TBPL1: variants seen among roughly 807,000 people sequenced by gnomAD.
TBPL1 encodes the protein TATA-box binding protein like 1.
Under a neutral mutation model 22.1 loss-of-function variants are expected in TBPL1, and 4 were observed. The observed-to-expected ratio is 0.18, with a 90% CI of 0.09 to 0.41. The LOEUF is 0.41. Ranked by LOEUF, TBPL1 falls within the 10% of genes least tolerant of loss-of-function variation. The pLI, the probability that TBPL1 is intolerant of heterozygous loss-of-function variation, is 1.00. For synonymous variants in TBPL1, 64 were observed against 71.0 expected (o/e 0.90, Z 0.50); for missense variants, 115 against 222.3 (o/e 0.52, Z 3.07).
At chr6:133,980,712 A>C (rs1277966315) in intron 2 of TBPL1, among the ~76,000 whole-genome samples, 2 of 151,570 alleles carry the variant, frequency 1.3e-5, no homozygotes, top group Non-Finnish European at 2.9e-5. Context: ...CTTAACCTGG[A>C]CATCTTAAAT....
chr6:133,978,591 A>G (rs1776355300), intron 1 of TBPL1, among the ~76,000 whole-genome samples: 1 of 152,216 alleles, frequency 6.6e-6, no homozygotes, highest in Non-Finnish European at 1.5e-5. Flanking sequence ...AGGTAGCTCA[A>G]ACATGCACAA....
At chr6:133,961,621 C>T (rs187054882) in intron 1 of TBPL1, among the ~76,000 whole-genome samples, 1 of 152,064 alleles carries the variant, frequency 6.6e-6, no homozygotes, top group Non-Finnish European at 1.5e-5. Context: ...GTGCACATCA[C>T]CATGCCCGAC....
At chr6:133,958,604 C>T (rs1775965812) in intron 1 of TBPL1, among the ~76,000 whole-genome samples, 1 of 152,162 alleles carries the variant, frequency 6.6e-6, no homozygotes, top group South Asian at 2.1e-4. Context: ...AAAGTTAAGT[C>T]CAAATGTTTT....
chr6:133,954,561 A>C (rs554032807), intron 1 of TBPL1, among the ~76,000 whole-genome samples: 1 of 152,370 alleles, frequency 6.6e-6, no homozygotes, highest in South Asian at 2.1e-4. Flanking sequence ...TAATGGTTTT[A>C]TACTTTACAA....
intron 1 of TBPL1, among the ~76,000 whole-genome samples, chr6:133,979,062 TAGG>T (rs1562665295): frequency 6.6e-6 from 1 of 152,216 alleles, no homozygotes; most frequent in African/African-American, 2.4e-5. Flanking sequence ...GTATAAATCA[TAGG>T]AGTCTCGGCA....
intron 1 of TBPL1, among the ~76,000 whole-genome samples, chr6:133,962,905 G>C (rs1054511614): frequency 6.6e-6 from 1 of 152,220 alleles, no homozygotes; most frequent in African/African-American, 2.4e-5. Flanking sequence ...TTAAGGAACA[G>C]ACAGAGAAGT....
At chr6:133,972,964 A>G (rs1776250362) in intron 1 of TBPL1, among the ~76,000 whole-genome samples, 1 of 152,204 alleles carries the variant, frequency 6.6e-6, no homozygotes, top group African/African-American at 2.4e-5. Flanking sequence ...CCAGTGTCAC[A>G]TAGCTAAATG....
intron 6 of TBPL1, among the ~76,000 whole-genome samples, chr6:133,986,382 T>C (rs1776523857): frequency 6.6e-6 from 1 of 152,236 alleles, no homozygotes; most frequent in Admixed American, 6.5e-5. Context: ...GCATAATGCA[T>C]GGTCACCTCG....
At chr6:133,963,616 C>T (rs1776060576) in intron 1 of TBPL1, among the ~76,000 whole-genome samples, 1 of 152,082 alleles carries the variant, frequency 6.6e-6, no homozygotes, top group Admixed American at 6.5e-5. Flanking sequence ...GAGACAGAGT[C>T]TCACCATGTT....
At position 133,985,297 on chromosome 6, in the gene TBPL1, AATATATATAT is replaced by A. The variant is rs3068194; in HGVS notation, c.481+658_481+667del. Reference sequence around the variant, plus strand: ...TGTCTAAAAAAAAAAAAAAAAAAAAAATATATATATATATATATATATATATATATATATA... The same window carrying A: ...TGTCTAAAAAAAAAAAAAAAAAAAAAATATATATATATATATATATATATA... On this transcript the variant is annotated intron_variant, in intron 6 of 6. Transcript: ENST00000237264. Among the ~76,000 whole-genome samples the A allele has an allele frequency of 7.9e-4, 34 of 42,900 alleles. 4 individuals are homozygous for A. The East Asian group carries it at 0.015, about 19-fold the overall frequency. 28.1% of individuals were successfully genotyped at this position (42,900 alleles called of 152,430 possible). A position where few individuals can be genotyped will look rare whatever the true frequency, so the allele number is the denominator to read the frequency against.
intron 1 of TBPL1, among the ~76,000 whole-genome samples, chr6:133,960,469 G>A (rs942628681): frequency 4.1e-5 from 6 of 145,926 alleles, no homozygotes; most frequent in Admixed American, 2.1e-4. Flanking sequence ...CTCCTTGGCT[G>A]TGGCCAGTAA....
rs75721345 is a variant in TBPL1 at position 133,972,939 on chromosome 6, G to A, written c.-44-7143G>A. ...ATGAGAAAATGAGGATTTAGAGAGC[G>A]GTTAGGTAAGTGGCCCAGTGTCACA... On this transcript the variant is annotated intron_variant, in intron 1 of 6. Coordinates refer to ENST00000237264, the MANE Select transcript of TBPL1 (RefSeq NM_004865.4). Among the ~76,000 whole-genome samples the A allele has an allele frequency of 2.2e-4, 33 of 152,226 alleles. No individual in the cohort carries two copies. The South Asian group carries it at 2.5e-3, about 11-fold the overall frequency.
chr6:133,984,183 T>A (rs547298718), intron 4 of TBPL1, among the ~76,000 whole-genome samples, 193 bp from the exon 5 acceptor site: 1 of 152,350 alleles, frequency 6.6e-6, no homozygotes, highest in South Asian at 2.1e-4. Context: ...TTAATTTTTT[T>A]AATGGAGTTT....
chr6:133,983,350 C>T (rs564547661), intron 4 of TBPL1, among the ~76,000 whole-genome samples: 10 of 152,232 alleles, frequency 6.6e-5, no homozygotes, highest in Non-Finnish European at 1.3e-4. Flanking sequence ...TTGAATAAAA[C>T]GATTACATAT....
intron 1 of TBPL1, among the ~76,000 whole-genome samples, chr6:133,967,724 T>C (rs1454859796): frequency 2.0e-5 from 3 of 152,212 alleles, no homozygotes; most frequent in African/African-American, 7.2e-5. Flanking sequence ...TATAATATTA[T>C]GGACCCCTGG....
rs1776382840 is a variant in TBPL1 at position 133,980,133 on chromosome 6, C to T, written c.8C>T (p.Ala3Val). The T allele has an allele frequency of 6.4e-6, 10 of 1,551,750 alleles. No homozygotes were observed. Among genetic ancestry groups the T allele is most frequent in the Non-Finnish European group, 8.7e-6 (10 of 1,150,290 alleles). Reference sequence around the variant, plus strand: ...AATTTTAAAACCACCCCAATGGATGCAGACAGTGATGTTGCATTGGACATT... The same window carrying T: ...AATTTTAAAACCACCCCAATGGATGTAGACAGTGATGTTGCATTGGACATT... MD[A>V]DSDVALDILI... Residue 3 changes from alanine to valine, a missense_variant, in exon 2 of 7, where the codon GCA becomes GTA. By Grantham distance (64) the Ala-to-Val change is moderately conservative. Transcript: ENST00000237264.
intron 1 of TBPL1, among the ~76,000 whole-genome samples, chr6:133,956,393 G>A (rs577081297): frequency 2.0e-5 from 3 of 152,314 alleles, no homozygotes; most frequent in South Asian, 2.1e-4. Flanking sequence ...GGTGCTTTTT[G>A]TGCACTTGTA....
intron 1 of TBPL1, among the ~76,000 whole-genome samples, chr6:133,968,488 A>G (rs1400026775): frequency 2.6e-5 from 4 of 152,192 alleles, no homozygotes; most frequent in Admixed American, 2.0e-4. Context: ...TATTGTTAGC[A>G]TTCACTAATA....
chr6:133,987,166 A>G lies in TBPL1; in HGVS notation c.*126A>G. The G allele has an allele frequency of 1.6e-5, 9 of 564,860 alleles. No homozygotes were observed. Among genetic ancestry groups the G allele is most frequent in the Non-Finnish European group, 2.1e-5 (7 of 334,056 alleles). 35.0% of individuals were successfully genotyped at this position (564,860 alleles called of 1,614,324 possible). On this transcript the variant is annotated 3_prime_UTR_variant, in exon 7 of 7. Coordinates refer to ENST00000237264, the MANE Select transcript of TBPL1 (RefSeq NM_004865.4). Reference sequence around the variant, plus strand: ...GACTCTTTTATTCATTCACGGCTACAGTGTAAGCTCCAGTCCCTTTGGATT... The same window carrying G: ...GACTCTTTTATTCATTCACGGCTACGGTGTAAGCTCCAGTCCCTTTGGATT...
Sources: allele counts gnomAD v4.1 joint callset (sites outside exome capture counted in the v4.1 genomes callset), GRCh38; gene constraint gnomAD v4.1.1; transcripts MANE v1.5; gene names NCBI Gene and HGNC (gene_info 2026-07-23, HGNC 2026-07-21).